TNNI3K: variants seen among roughly 807,000 people sequenced by gnomAD.
TNNI3K encodes the protein TNNI3 interacting kinase.
TNNI3K carries 140 observed loss-of-function variants against 114.5 expected under a neutral mutation model. The observed-to-expected ratio is 1.22, with a 90% CI of 1.07 to 1.41. TNNI3K has a LOEUF of 1.41. Ranked by LOEUF, TNNI3K falls within the 40% of genes most tolerant of loss-of-function variation. The probability of loss-of-function intolerance (pLI) is 0.00; values close to 1 mark genes in which losing one functional copy is unlikely to be tolerated. For synonymous variants in TNNI3K, 347 were observed against 347.5 expected, an observed-to-expected ratio of 1.00 and a Z score of 0.02; for missense variants, 1,125 against 1,007.6, an observed-to-expected ratio of 1.12 and a Z score of -1.58.
chr1:74,461,571 C>T (rs1667457903), intron 20 of TNNI3K, among the ~76,000 whole-genome samples: 1 of 151,128 alleles, frequency 6.6e-6, no homozygotes, highest in African/African-American at 2.4e-5. Context: ...TAAGTAGTGA[C>T]ATATTTGATA....
At chr1:74,355,913 C>CAT (rs1452942670) in intron 11 of TNNI3K, among the ~76,000 whole-genome samples, 1 of 152,072 alleles carries the variant, frequency 6.6e-6, no homozygotes, top group Non-Finnish European at 1.5e-5. Context: ...TAAATACAAA[C>CAT]ATATATATAC....
chr1:74,392,027 A>AGGATCTT (rs1663812813), intron 17 of TNNI3K, among the ~76,000 whole-genome samples: 1 of 133,788 alleles, frequency 7.5e-6, no homozygotes, highest in African/African-American at 2.9e-5. Context: ...GTGCAGTGGC[A>AGGATCTT]GGATCTTGGC....
chr1:74,352,561 C>T (rs1661418700), intron 9 of TNNI3K, among the ~76,000 whole-genome samples: 1 of 152,230 alleles, frequency 6.6e-6, no homozygotes, highest in African/African-American at 2.4e-5. Flanking sequence ...GCCGTGCCCC[C>T]AGAGGTGGAG....
intron 12 of TNNI3K, 107 bp from the exon 13 acceptor site, chr1:74,367,801 C>T (rs764984730): frequency 1.2e-5 from 12 of 1,036,072 alleles, no homozygotes; most frequent in East Asian, 2.8e-5. Flanking sequence ...GGGCCTGAAG[C>T]GATAGTTTTA....
intron 23 of TNNI3K, among the ~76,000 whole-genome samples, chr1:74,510,501 C>G (rs1054437453): frequency 2.0e-5 from 3 of 151,958 alleles, no homozygotes; most frequent in African/African-American, 7.3e-5. Context: ...GAGTGAGACT[C>G]CGTCTCAAAA....
chr1:74,438,190 T>A (rs1244487481), intron 19 of TNNI3K, among the ~76,000 whole-genome samples: 1 of 151,866 alleles, frequency 6.6e-6, no homozygotes, highest in Non-Finnish European at 1.5e-5. Flanking sequence ...CTATGACCCC[T>A]CTGTGCAAAA....
intron 5 of TNNI3K, among the ~76,000 whole-genome samples, chr1:74,272,987 A>G (rs987261271): frequency 1.9e-4 from 10 of 52,012 alleles, no homozygotes; most frequent in African/African-American, 6.7e-4. Flanking sequence ...CATCCTTATT[A>G]TTAAATAGTT....
chr1:74,507,557 T>TTGAA (rs749642270), intron 23 of TNNI3K, among the ~76,000 whole-genome samples: 2 of 152,176 alleles, frequency 1.3e-5, no homozygotes, highest in Non-Finnish European at 1.5e-5. Context: ...TATATGTGTA[T>TTGAA]TGAATGAATG....
At chr1:74,432,597 A>G (rs190273894) in intron 17 of TNNI3K, among the ~76,000 whole-genome samples, 29 of 152,146 alleles carry the variant, frequency 1.9e-4, no homozygotes, top group African/African-American at 7.0e-4. Flanking sequence ...ATAGCATCCA[A>G]TCTCTTGAAG....
intron 17 of TNNI3K, among the ~76,000 whole-genome samples, chr1:74,397,778 ACAATGGC>A (rs1431387179): frequency 3.3e-5 from 5 of 152,260 alleles, no homozygotes; most frequent in African/African-American, 1.2e-4. Context: ...ATAGCATAAC[ACAATGGC>A]TATGCTGTCA....
rs111926136 is a variant in TNNI3K, at chr1:74,330,757, A to G, written c.445-693A>G. 1.5e-3 allele frequency among the ~76,000 whole-genome samples: 223 copies of G among 152,262 alleles called. 2 individuals carry two copies. The highest frequency in any genetic ancestry group is 5.1e-3 in the African/African-American group (211 of 41,558). The stretch of plus-strand genomic sequence containing the variant: ...AAATACCAATCTATGGCTTTCCATG[A>G]TGACAATTGGCCAACAGTTCCTGGT... On this transcript the variant is annotated intron_variant, in intron 5 of 24. Transcript: ENST00000326637.
intron 21 of TNNI3K, among the ~76,000 whole-genome samples, chr1:74,467,107 G>T (rs1667713188): frequency 6.6e-6 from 1 of 152,138 alleles, no homozygotes; most frequent in African/African-American, 2.4e-5. Context: ...GTAGTTTTCT[G>T]AAAGAAGGCG....
In TNNI3K at chr1:74,508,986, A is replaced by G. The variant is rs540280255; in HGVS notation, c.2351+16720A>G. 2.0e-5 allele frequency among the ~76,000 whole-genome samples: 3 copies of G among 152,342 alleles called. No individual in the cohort carries two copies. The East Asian group carries it at 5.8e-4, about 29-fold the overall frequency. The stretch of plus-strand genomic sequence containing the variant: ...TTTTAAACTAAAGATAAATGTCCCT[A>G]TTTCACAGTTCTACCCACGGATGGA... On this transcript the variant is annotated intron_variant, in intron 23 of 24. Transcript: ENST00000326637.
Position 74,480,223 on chromosome 1 carries a change from C to G in TNNI3K, c.2122-8966C>G, listed in dbSNP as rs771256280. On this transcript the variant is annotated intron_variant, in intron 21 of 24. Coordinates refer to ENST00000326637, the MANE Select transcript of TNNI3K (RefSeq NM_015978.3). Reference sequence around the variant, plus strand: ...GGAGGGGACTTCTGTCCTTTAGAACCAGAGTGAAGTTGGGAGCTTTGGAAT... The same window carrying G: ...GGAGGGGACTTCTGTCCTTTAGAACGAGAGTGAAGTTGGGAGCTTTGGAAT... 1.3e-5 allele frequency: 9 copies of G among 717,498 alleles called. No individual in the cohort carries two copies. In the South Asian group the frequency reaches 1.3e-4, roughly 11 times the overall value. The allele number at this position is 717,498 out of a possible 1,614,324, so 44.4% of individuals were successfully genotyped here.
At position 74,407,860 on chromosome 1, in the gene TNNI3K, C is replaced by T. The variant is rs113800292; in HGVS notation, c.1773-28220C>T. ...ATGATGCCTAGATAATAATATAAAA[C>T]TTTAGCATTATGAAAATCACCTGCT... On this transcript the variant is annotated intron_variant, in intron 17 of 24. Coordinates refer to ENST00000326637, the MANE Select transcript of TNNI3K (RefSeq NM_015978.3). Among the ~76,000 whole-genome samples, 316 of 152,212 alleles carry T rather than the reference C, an allele frequency of 2.1e-3. 1 individual carries two copies. Among genetic ancestry groups the T allele is most frequent in the African/African-American group, 7.2e-3 (300 of 41,532 alleles).
At chr1:74,412,657 C>A (rs1301136030) in intron 17 of TNNI3K, among the ~76,000 whole-genome samples, 1 of 152,138 alleles carries the variant, frequency 6.6e-6, no homozygotes, top group African/African-American at 2.4e-5. Context: ...CTCTGTCTCC[C>A]AGGCTGGAGT....
At chr1:74,251,019 T>C (rs1481027005) in intron 4 of TNNI3K, among the ~76,000 whole-genome samples, 1 of 152,142 alleles carries the variant, frequency 6.6e-6, no homozygotes, top group Non-Finnish European at 1.5e-5. Context: ...AATATGATTA[T>C]TATCCCCAAG....
At chr1:74,392,353 C>CAGAGGTAGGAGCTCAGTATG (rs1663832669) in intron 17 of TNNI3K, among the ~76,000 whole-genome samples, 1 of 152,132 alleles carries the variant, frequency 6.6e-6, no homozygotes, top group Non-Finnish European at 1.5e-5. Context: ...TAGGGCCTGG[C>CAGAGGTAGGAGCTCAGTATG]AGAGGTAGGA....
At chr1:74,360,149 A>G (rs1661881170) in intron 11 of TNNI3K, among the ~76,000 whole-genome samples, 2 of 151,662 alleles carry the variant, frequency 1.3e-5, no homozygotes, top group Admixed American at 6.6e-5. Context: ...TACTTCTTCT[A>G]ATCCATTTTA....
Sources: allele counts gnomAD v4.1 joint callset (sites outside exome capture counted in the v4.1 genomes callset), GRCh38; gene constraint gnomAD v4.1.1; transcripts MANE v1.5; gene names NCBI Gene and HGNC (gene_info 2026-07-23, HGNC 2026-07-21).